Variants in GPD2 observed in about 807,000 individuals in gnomAD.
The protein encoded by GPD2 is glycerol-3-phosphate dehydrogenase 2, also known as glycerol-3-phosphate dehydrogenase, mitochondrial.
GPD2 carries 54 observed loss-of-function variants against 82.4 expected under a neutral mutation model. The observed-to-expected ratio is 0.66, with a 90% CI of 0.53 to 0.82. The LOEUF is 0.82. GPD2 is among the 40% of genes least tolerant of loss of function. GPD2 has a pLI of 0.00. For synonymous variants in GPD2, 288 were observed against 306.1 expected (o/e 0.94, Z 0.62); for missense variants, 748 against 896.2 (o/e 0.83, Z 2.11).
the GPD2 span, among the ~76,000 whole-genome samples, chr2:156,401,148 G>C: frequency 1.3e-5 from 2 of 152,128 alleles, no homozygotes; most frequent in Admixed American, 1.3e-4. Flanking sequence ...GTCAAAACTT[G>C]CATTGGCCGG....
rs3055086 is a variant in GPD2, at chr2:156,450,682, T to TTTTTA, written c.-9+14169_-9+14170insTTTTA. ...AGACAACTCTTTTTTTTTTTTTTTT[T>TTTTTA]ATTGCTCATTCTTGGGTGTTTCTCG... On this transcript the variant is annotated intron_variant, in intron 1 of 16. Transcript: ENST00000438166. 1.6e-3 allele frequency among the ~76,000 whole-genome samples: 184 copies of TTTTTA among 112,418 alleles called. 9 individuals are homozygous for TTTTTA. The highest frequency in any genetic ancestry group is 0.011 in the South Asian group (36 of 3,334). The allele number at this position is 112,418 out of a possible 152,430, so 73.8% of individuals were successfully genotyped here. A position where few individuals can be genotyped will look rare whatever the true frequency, so the allele number is the denominator to read the frequency against.
At chr2:156,577,094 A>G (rs1195778209) in intron 13 of GPD2, among the ~76,000 whole-genome samples, 2 of 152,200 alleles carry the variant, frequency 1.3e-5, no homozygotes, top group African/African-American at 4.8e-5. Flanking sequence ...TCACGTTGAT[A>G]ATTTTTAATT....
chr2:156,405,146 A>T, the GPD2 span, among the ~76,000 whole-genome samples: 2 of 152,212 alleles, frequency 1.3e-5, no homozygotes, highest in South Asian at 2.1e-4. Context: ...CTCTAGCATG[A>T]GGTGCATGGC....
chr2:156,574,492 G>A (rs1444229239), intron 13 of GPD2, among the ~76,000 whole-genome samples: 1 of 152,124 alleles, frequency 6.6e-6, no homozygotes, highest in East Asian at 1.9e-4. Flanking sequence ...CATAGGATTT[G>A]ATAAGGTGGA....
chr2:156,433,674 G>C (rs530195562), upstream of GPD2, among the ~76,000 whole-genome samples: 4 of 152,184 alleles, frequency 2.6e-5, no homozygotes, highest in African/African-American at 4.8e-5. Context: ...TCTAGGCAGC[G>C]GGCAAGGTGA....
the GPD2 span, among the ~76,000 whole-genome samples, chr2:156,419,824 A>G: frequency 2.6e-5 from 4 of 152,346 alleles, no homozygotes; most frequent in Non-Finnish European, 5.9e-5. Flanking sequence ...TAAGTGCTCT[A>G]TGGCTAATCC....
intron 1 of GPD2, among the ~76,000 whole-genome samples, chr2:156,462,510 C>G (rs1401020071): frequency 7.2e-6 from 1 of 139,738 alleles, no homozygotes; most frequent in African/African-American, 2.7e-5. Flanking sequence ...CCATATTGGT[C>G]GGGCTGGTCT....
intron 8 of GPD2, among the ~76,000 whole-genome samples, chr2:156,556,685 G>A (rs1243816708): frequency 6.6e-6 from 1 of 152,092 alleles, no homozygotes; most frequent in African/African-American, 2.4e-5. Flanking sequence ...GATTTTCATT[G>A]CTAAAGTGTT....
intron 9 of GPD2, among the ~76,000 whole-genome samples, chr2:156,561,803 GA>G (rs1216383197): frequency 2.0e-5 from 3 of 151,806 alleles, no homozygotes; most frequent in East Asian, 1.9e-4. Context: ...ATATCCTTAA[GA>G]AAAAAAAGTG....
chr2:156,465,448 A>G (rs1055093791), intron 1 of GPD2, among the ~76,000 whole-genome samples: 1 of 148,456 alleles, frequency 6.7e-6, no homozygotes, highest in African/African-American at 2.5e-5. Context: ...TGCAGCCTTG[A>G]ATTCCTGGGT....
rs974327171 is a variant in GPD2, at chr2:156,581,500, C to T, written c.2059-1293C>T. ...CAAAGCAATAAACAATAAATTGTTC[C>T]GTCTTTAGATGTCAGCATTGCTTAT... On this transcript the variant is annotated intron_variant, in intron 16 of 16. Coordinates refer to ENST00000438166, the MANE Select transcript of GPD2 (RefSeq NM_000408.5). Among the ~76,000 whole-genome samples, 10 of 152,134 alleles carry T rather than the reference C, an allele frequency of 6.6e-5. No homozygotes were observed. The East Asian group carries it at 9.7e-4, about 15-fold the overall frequency.
chr2:156,433,349 T>C (rs1330685878), upstream of GPD2, among the ~76,000 whole-genome samples: 5 of 152,178 alleles, frequency 3.3e-5, no homozygotes, highest in Non-Finnish European at 7.3e-5. Context: ...GTGCTTGAGA[T>C]ATTTTGCAGA....
At chr2:156,417,462 G>A in the GPD2 span, among the ~76,000 whole-genome samples, 1 of 152,074 alleles carries the variant, frequency 6.6e-6, no homozygotes, top group African/African-American at 2.4e-5. Context: ...TGTATCTTGT[G>A]TATTCCAGTT....
At chr2:156,433,829 C>A (rs1442809720), upstream of GPD2, among the ~76,000 whole-genome samples, 2 of 152,122 alleles carry the variant, frequency 1.3e-5, no homozygotes, top group African/African-American at 2.4e-5. Context: ...TATATTCAGG[C>A]ACTATGCTAG....
intron 1 of GPD2, among the ~76,000 whole-genome samples, chr2:156,462,535 C>T (rs1683025725): frequency 6.6e-6 from 1 of 151,074 alleles, no homozygotes; most frequent in Non-Finnish European, 1.5e-5. Context: ...CTTCCACCCT[C>T]AGGTGATCTG....
chr2:156,471,748 T>A (rs1190115161), intron 1 of GPD2, among the ~76,000 whole-genome samples: 1 of 152,276 alleles, frequency 6.6e-6, no homozygotes, highest in Non-Finnish European at 1.5e-5. Flanking sequence ...TTGCTTTTTT[T>A]TTCTATCAGA....
At chr2:156,526,174 A>G (rs561389380) in intron 6 of GPD2, among the ~76,000 whole-genome samples, 1 of 152,310 alleles carries the variant, frequency 6.6e-6, no homozygotes, top group African/African-American at 2.4e-5. Flanking sequence ...AACTGCTTAG[A>G]TCAAAATATA....
At chr2:156,581,214 A>T (rs1178332073) in intron 16 of GPD2, among the ~76,000 whole-genome samples, 1 of 151,998 alleles carries the variant, frequency 6.6e-6, no homozygotes, top group East Asian at 1.9e-4. Flanking sequence ...AATGAAAGGG[A>T]CTATTCATGC....
chr2:156,400,826 T>C, the GPD2 span, among the ~76,000 whole-genome samples: 7 of 152,190 alleles, frequency 4.6e-5, no homozygotes, highest in Non-Finnish European at 1.0e-4. Flanking sequence ...CCGGGTTCAA[T>C]CCCCGGCATC....
Sources: gnomAD v4.1 joint callset for allele counts (sites outside exome capture counted in the v4.1 genomes callset) on GRCh38, gnomAD v4.1.1 for gene constraint, MANE v1.5 for transcripts, NCBI Gene and HGNC (gene_info 2026-07-23, HGNC 2026-07-21) for gene names.